RNLS: variants seen among roughly 807,000 people sequenced by gnomAD.
RNLS encodes renalase.
A neutral mutation model predicts 39.8 loss-of-function variants in RNLS; 39 were observed. The ratio of observed to expected loss-of-function variants is 0.98; its 90% CI spans 0.76 to 1.28. The LOEUF (loss-of-function observed/expected upper bound fraction) is 1.28. Ranked by LOEUF, RNLS falls within the 50% of genes most tolerant of loss-of-function variation. RNLS has a pLI of 0.00. For synonymous variants in RNLS, 147 were observed against 150.7 expected (o/e 0.98, Z 0.18); for missense variants, 410 against 413.3 (o/e 0.99, Z 0.07).
At chr10:88,502,839 A>G (rs1169026873) in intron 4 of RNLS, among the ~76,000 whole-genome samples, 2 of 152,184 alleles carry the variant, frequency 1.3e-5, no homozygotes, top group Non-Finnish European at 2.9e-5. Flanking sequence ...CCAATGATCA[A>G]AAGCGCATAT....
intron 4 of RNLS, among the ~76,000 whole-genome samples, chr10:88,413,287 C>A (rs989487254): frequency 6.6e-6 from 1 of 152,140 alleles, no homozygotes; most frequent in African/African-American, 2.4e-5. Context: ...TTTTGATGGC[C>A]TGAAGCTTCT....
intron 5 of RNLS, 130 bp downstream of exon 5, chr10:88,362,422 A>G (rs1849704784): frequency 1.3e-6 from 1 of 791,364 alleles, no homozygotes; most frequent in African/African-American, 1.7e-5. Context: ...GTGACATTAA[A>G]TTTTATCCCC....
At chr10:88,362,013 T>G (rs1849680349) in intron 5 of RNLS, among the ~76,000 whole-genome samples, 1 of 152,074 alleles carries the variant, frequency 6.6e-6, no homozygotes, top group Admixed American at 6.6e-5. Flanking sequence ...CTAGTGAAGC[T>G]CTCATAAAAC....
intron 4 of RNLS, among the ~76,000 whole-genome samples, chr10:88,487,858 T>C (rs1377869127): frequency 1.3e-5 from 2 of 152,148 alleles, no homozygotes; most frequent in African/African-American, 2.4e-5. Context: ...ATAAACACAG[T>C]TGTATATCCA....
At chr10:88,450,464 G>C (rs1842300901) in intron 4 of RNLS, among the ~76,000 whole-genome samples, 1 of 152,156 alleles carries the variant, frequency 6.6e-6, no homozygotes, top group African/African-American at 2.4e-5. Context: ...GGTGTGAAGA[G>C]AGCAGCTGAG....
the RNLS span, among the ~76,000 whole-genome samples, chr10:88,203,437 C>CACGTATGTGTATATATATATATACGT: frequency 1.3e-3 from 3 of 2,262 alleles, no homozygotes; most frequent in African/African-American, 6.9e-3. Context: ...TATATATATA[C>CACGTATGTGTATATATATATATACGT]GTGTGTGTGT....
At chr10:88,513,025 T>G (rs1846216130) in intron 4 of RNLS, among the ~76,000 whole-genome samples, 1 of 152,146 alleles carries the variant, frequency 6.6e-6, no homozygotes, top group Non-Finnish European at 1.5e-5. Context: ...CAATAAGTAT[T>G]ATGTTTTTAA....
intron 4 of RNLS, among the ~76,000 whole-genome samples, chr10:88,381,746 A>T (rs1250903839): frequency 6.6e-6 from 1 of 152,060 alleles, no homozygotes; most frequent in Non-Finnish European, 1.5e-5. Context: ...ATATTTATCA[A>T]TGTTTTCTGA....
chr10:88,304,669 A>T (rs1000223084), intron 6 of RNLS, among the ~76,000 whole-genome samples: 1 of 152,108 alleles, frequency 6.6e-6, no homozygotes, highest in Non-Finnish European at 1.5e-5. Context: ...AGTGAACTAA[A>T]CCTCCAAGAA....
the RNLS span, among the ~76,000 whole-genome samples, chr10:88,266,736 C>CACACACA: frequency 3.6e-4 from 53 of 146,014 alleles, no homozygotes; most frequent in East Asian, 1.8e-3. Context: ...CACACACACA[C>CACACACA]CCCACACACA....
chr10:88,564,515 G>T (rs1161521489), intron 4 of RNLS, among the ~76,000 whole-genome samples: 1 of 152,122 alleles, frequency 6.6e-6, no homozygotes, highest in African/African-American at 2.4e-5. Flanking sequence ...ATGTTTAAGG[G>T]TCAGGGGTTT....
At chr10:88,364,419 A>C (rs909105956) in intron 4 of RNLS, among the ~76,000 whole-genome samples, 8 of 152,174 alleles carry the variant, frequency 5.3e-5, no homozygotes, top group Admixed American at 4.6e-4. Context: ...GACCTCATTT[A>C]GTCTTCACAA....
Position 88,284,534 on chromosome 10 carries a change from G to T in RNLS, c.*820C>A. 1.0e-6 allele frequency: 1 copy of T among 985,226 alleles called. No individual in the cohort carries two copies. The highest frequency in any genetic ancestry group is 1.2e-6 in the Non-Finnish European group (1 of 829,882). The allele number at this position is 985,226 out of a possible 1,614,324, so 61.0% of individuals were successfully genotyped here. On this transcript the variant is annotated 3_prime_UTR_variant, in exon 7 of 7. Coordinates refer to ENST00000331772, the MANE Select transcript of RNLS (RefSeq NM_001031709.3). ...TTTCTGGTTCAGTAAATTTTTTGTT[G>T]TGTTAAATTCATTAAACTCGACACA...
At chr10:88,269,549 G>A (rs1309763378), downstream of RNLS, among the ~76,000 whole-genome samples, 1 of 152,102 alleles carries the variant, frequency 6.6e-6, no homozygotes, top group Non-Finnish European at 1.5e-5. Flanking sequence ...AGGAGGCTCT[G>A]GGTTTACAAG....
intron 1 of RNLS, among the ~76,000 whole-genome samples, chr10:88,582,733 A>G (rs1407229322): frequency 6.6e-6 from 1 of 152,176 alleles, no homozygotes; most frequent in African/African-American, 2.4e-5. Flanking sequence ...CAAAAAATCT[A>G]TTTATTAGGG....
intron 4 of RNLS, among the ~76,000 whole-genome samples, chr10:88,392,419 G>A (rs1852262819): frequency 6.6e-6 from 1 of 152,220 alleles, no homozygotes; most frequent in Non-Finnish European, 1.5e-5. Context: ...GAGGCAGGAA[G>A]TGAAAGTGAA....
At chr10:88,231,942 C>CTGTGTGTGTGTGTGTGTGTGTGTGTGTG in the RNLS span, among the ~76,000 whole-genome samples, 189 of 149,768 alleles carry the variant, frequency 1.3e-3, 1 homozygote, top group Admixed American at 7.1e-3. Flanking sequence ...CACAGGATTT[C>CTGTGTGTGTGTGTGTGTGTGTGTGTGTG]TGTGTGTGTG....
chr10:88,329,212 A>G (rs1484023058), intron 5 of RNLS, among the ~76,000 whole-genome samples: 3 of 151,420 alleles, frequency 2.0e-5, no homozygotes, highest in African/African-American at 7.3e-5. Flanking sequence ...AGACCACCAC[A>G]CCCAGCTAGT....
chr10:88,269,927 A>G (rs1452987253), downstream of RNLS, among the ~76,000 whole-genome samples: 1 of 152,136 alleles, frequency 6.6e-6, no homozygotes, highest in African/African-American at 2.4e-5. Flanking sequence ...GTCTCATTAT[A>G]ACCTCCGCCT....
Sources: gnomAD v4.1 joint callset for allele counts (sites outside exome capture counted in the v4.1 genomes callset) on GRCh38, gnomAD v4.1.1 for gene constraint, MANE v1.5 for transcripts, NCBI Gene and HGNC (gene_info 2026-07-23, HGNC 2026-07-21) for gene names.